The following TRPS1 variants were observed in gnomAD, a reference collection of about 807,000 sequenced individuals.
The protein encoded by TRPS1 is zinc finger transcription factor Trps1.
TRPS1 carries 6 observed loss-of-function variants against 101.2 expected under a neutral mutation model. The ratio of observed to expected loss-of-function variants is 0.06; its 90% confidence interval spans 0.03 to 0.12. The LOEUF is 0.12. Among genes scored for constraint, TRPS1 ranks in the 10% least tolerant of loss-of-function variants. The pLI, the probability that TRPS1 is intolerant of heterozygous loss-of-function variation, is 1.00. For missense variants in TRPS1, 1,363 were observed against 1,567.0 expected (o/e 0.87, Z 2.20); for synonymous variants, 578 against 589.8 (o/e 0.98, Z 0.29).
intron 5 of TRPS1, among the ~76,000 whole-genome samples, chr8:115,499,972 T>C (rs894419947): frequency 6.7e-6 from 1 of 150,348 alleles, no homozygotes; most frequent in African/African-American, 2.5e-5. Flanking sequence ...TCTTTTCTTT[T>C]CTTTTCTTTT....
intron 5 of TRPS1, among the ~76,000 whole-genome samples, chr8:115,438,948 G>T (rs1813522636): frequency 6.6e-6 from 1 of 152,178 alleles, no homozygotes; most frequent in Admixed American, 6.5e-5. Context: ...GATCATAGAT[G>T]ACGAGGACCT....
At chr8:115,532,845 C>T (rs556629175) in intron 5 of TRPS1, among the ~76,000 whole-genome samples, 37 of 151,830 alleles carry the variant, frequency 2.4e-4, no homozygotes, top group South Asian at 1.7e-3. Context: ...TTGGGTGCCA[C>T]GAGGATGATA....
intron 2 of TRPS1, among the ~76,000 whole-genome samples, chr8:115,621,362 C>G (rs151192967): frequency 6.6e-6 from 1 of 152,086 alleles, no homozygotes; most frequent in African/African-American, 2.4e-5. Context: ...TTAGTTATAC[C>G]GCAATTATCC....
chr8:115,668,322 T>C, intron 1 of TRPS1: 1 of 164,336 alleles, frequency 6.1e-6, no homozygotes, highest in Non-Finnish European at 1.3e-5. Context: ...CGCTTGGCTT[T>C]CTGCACACTC....
intron 5 of TRPS1, among the ~76,000 whole-genome samples, chr8:115,426,238 A>G (rs1032308034): frequency 6.6e-6 from 1 of 152,140 alleles, no homozygotes; most frequent in African/African-American, 2.4e-5. Flanking sequence ...CAATTTTAGC[A>G]CCTCTTAAAC....
chr8:115,591,069 G>A (rs1817670280), intron 4 of TRPS1, among the ~76,000 whole-genome samples: 1 of 152,056 alleles, frequency 6.6e-6, no homozygotes, highest in Non-Finnish European at 1.5e-5. Context: ...ATCTAGCGGC[G>A]TTTAATGACA....
chr8:115,590,753 C>T (rs956899979), intron 4 of TRPS1, among the ~76,000 whole-genome samples: 1 of 152,068 alleles, frequency 6.6e-6, no homozygotes, highest in Non-Finnish European at 1.5e-5. Context: ...TCCTCATCTG[C>T]AAAATGAAAA....
chr8:115,530,984 A>G (rs192094719), intron 5 of TRPS1, among the ~76,000 whole-genome samples: 1 of 152,086 alleles, frequency 6.6e-6, no homozygotes, highest in Non-Finnish European at 1.5e-5. Context: ...AATGTAAATG[A>G]CGAGTTAATG....
chr8:115,630,623 T>C (rs1818618329), intron 1 of TRPS1, among the ~76,000 whole-genome samples: 1 of 152,056 alleles, frequency 6.6e-6, no homozygotes, highest in South Asian at 2.1e-4. Flanking sequence ...CCTGAATTTC[T>C]AGCTAATAAA....
At chr8:115,438,270 C>A (rs1813506372) in intron 5 of TRPS1, among the ~76,000 whole-genome samples, 1 of 152,190 alleles carries the variant, frequency 6.6e-6, no homozygotes, top group African/African-American at 2.4e-5. Context: ...TGAGTATCTG[C>A]CCTGGGCCCA....
chr8:115,633,630 G>A (rs1057335746), intron 1 of TRPS1, among the ~76,000 whole-genome samples: 2 of 152,136 alleles, frequency 1.3e-5, no homozygotes, highest in African/African-American at 4.8e-5. Context: ...CTGAAAGGGG[G>A]TTAAGGTAAC....
At chr8:115,480,542 G>T (rs1380066429) in intron 5 of TRPS1, among the ~76,000 whole-genome samples, 2 of 151,938 alleles carry the variant, frequency 1.3e-5, no homozygotes, top group Non-Finnish European at 1.5e-5. Flanking sequence ...GGTAAAGATT[G>T]ATTTTTATTG....
chr8:115,637,920 CATT>C (rs1382540326), intron 1 of TRPS1, among the ~76,000 whole-genome samples: 2 of 152,152 alleles, frequency 1.3e-5, no homozygotes, highest in African/African-American at 4.8e-5. Context: ...TATCCTGATC[CATT>C]ATAATTCTTA....
At chr8:115,515,012 A>G (rs1196632347) in intron 5 of TRPS1, among the ~76,000 whole-genome samples, 1 of 151,696 alleles carries the variant, frequency 6.6e-6, no homozygotes, top group East Asian at 1.9e-4. Context: ...ACCTCTAGAG[A>G]TGATCAAGTA....
intron 6 of TRPS1, among the ~76,000 whole-genome samples, chr8:115,417,865 C>T (rs901222172): frequency 5.3e-5 from 8 of 152,160 alleles, no homozygotes; most frequent in African/African-American, 1.9e-4. Context: ...CCTCCAGCCC[C>T]TAAAGCGGTC....
In TRPS1 at chr8:115,486,540, G is replaced by A. The variant is rs189349455; in HGVS notation, c.2701-68088C>T. The stretch of plus-strand genomic sequence containing the variant: ...AAAGCTAGGCCTCTTGAGCTCAACA[G>A]TGAATTGTGAATGCAAAGGCAAAGT... On this transcript the variant is annotated intron_variant, in intron 5 of 6. Transcript: ENST00000395715. Among the ~76,000 whole-genome samples, 3 of 152,364 alleles carry A rather than the reference G, an allele frequency of 2.0e-5. No individual in the cohort carries two copies. The East Asian group carries it at 5.8e-4, about 29-fold the overall frequency.
At chr8:115,535,509 C>T (rs527334490) in intron 5 of TRPS1, among the ~76,000 whole-genome samples, 17 of 145,850 alleles carry the variant, frequency 1.2e-4, no homozygotes, top group Admixed American at 4.8e-4. Flanking sequence ...ATATATATAG[C>T]GCATATATAT....
At chr8:115,485,737 C>T (rs1032885800) in intron 5 of TRPS1, among the ~76,000 whole-genome samples, 1 of 152,036 alleles carries the variant, frequency 6.6e-6, no homozygotes, top group Non-Finnish European at 1.5e-5. Context: ...TTTGAAAACC[C>T]AAGTTACAAT....
At chr8:115,612,550 A>G (rs1482646749) in intron 3 of TRPS1, among the ~76,000 whole-genome samples, 1 of 152,214 alleles carries the variant, frequency 6.6e-6, no homozygotes, top group Non-Finnish European at 1.5e-5. Context: ...CTTCACTTTT[A>G]CATATGTTGA....
Sources: allele counts gnomAD v4.1 joint callset (sites outside exome capture counted in the v4.1 genomes callset), GRCh38; gene constraint gnomAD v4.1.1; transcripts MANE v1.5; gene names NCBI Gene and HGNC (gene_info 2026-07-23, HGNC 2026-07-21).